Variants in NMD3 observed in about 807,000 individuals in gnomAD.
The protein encoded by NMD3 is 60S ribosomal export protein NMD3.
NMD3 carries 47 observed loss-of-function variants against 73.1 expected under a neutral mutation model. The ratio of observed to expected loss-of-function variants is 0.64; its 90% CI spans 0.51 to 0.82. The LOEUF is 0.82. NMD3 is among the 40% of genes least tolerant of loss of function. The probability of loss-of-function intolerance (pLI) is 0.00; values close to 1 mark genes in which losing one functional copy is unlikely to be tolerated. For synonymous variants in NMD3, 210 were observed against 194.5 expected (o/e 1.08, Z -0.66); for missense variants, 554 against 612.5 (o/e 0.90, Z 1.01).
downstream of NMD3, chr3:161,252,907 T>G (rs1428550912): frequency 3.3e-6 from 2 of 604,764 alleles, no homozygotes; most frequent in Non-Finnish European, 5.9e-6. Context: ...AAGACCAGCC[T>G]GGCCAACATA....
At chr3:161,233,037 G>A (rs982767603) in intron 4 of NMD3, among the ~76,000 whole-genome samples, 4 of 151,154 alleles carry the variant, frequency 2.6e-5, no homozygotes, top group African/African-American at 9.7e-5. Flanking sequence ...TGTTCATGAG[G>A]TTACTAATAA....
At position 161,246,478 on chromosome 3, in the gene NMD3, A is replaced by T. The variant is rs374971027; in HGVS notation, c.1130+30A>T. On this transcript the variant is annotated intron_variant, in intron 12 of 15. Transcript: ENST00000351193. Reference sequence around the variant, plus strand: ...GTATTATTTCATATTTTAAACTGCCAATTAGGATTGCAAATTTTCTTTGGG... The same window carrying T: ...GTATTATTTCATATTTTAAACTGCCTATTAGGATTGCAAATTTTCTTTGGG... The T allele has an allele frequency of 8.9e-6, 9 of 1,010,518 alleles. No homozygotes were observed. In the African/African-American group the frequency reaches 1.4e-4, roughly 16 times the overall value. 62.6% of individuals were successfully genotyped at this position (1,010,518 alleles called of 1,614,324 possible).
At chr3:161,229,093 G>C (rs1464083680) in intron 4 of NMD3, among the ~76,000 whole-genome samples, 1 of 152,140 alleles carries the variant, frequency 6.6e-6, no homozygotes, top group East Asian at 1.9e-4. Context: ...TGAATAGAAC[G>C]GAGTGGTGAG....
At chr3:161,223,877 T>G (rs1457643608) in intron 2 of NMD3, among the ~76,000 whole-genome samples, 1 of 152,242 alleles carries the variant, frequency 6.6e-6, no homozygotes, top group African/African-American at 2.4e-5. Context: ...TAACAGTGCT[T>G]CTCAAATTTT....
Position 161,224,942 on chromosome 3 carries a change from G to A in NMD3, c.57G>A (p.Glu19=), listed in dbSNP as rs756010062. 6.3e-5 allele frequency: 101 copies of A among 1,610,550 alleles called. No homozygotes were observed. The highest frequency in any genetic ancestry group is 8.0e-5 in the Non-Finnish European group (94 of 1,178,898). ...DRSPGHILCC[E]CGVPISPNPA... ...TTATTTATTAAAGCTTGTGCTGTGA[G>A]TGTGGTGTTCCGATAAGTCCAAATC... Residue 19 remains glutamate, a synonymous_variant, in exon 3 of 16, where the codon GAG becomes GAA. Transcript: ENST00000351193.
intron 4 of NMD3, among the ~76,000 whole-genome samples, chr3:161,231,790 G>A (rs745404179): frequency 4.6e-5 from 7 of 152,126 alleles, no homozygotes; most frequent in Non-Finnish European, 4.4e-5. Flanking sequence ...GGAATGTTCA[G>A]CAAAGTTGAG....
chr3:161,226,118 G>T (rs1736304004), intron 3 of NMD3, among the ~76,000 whole-genome samples: 1 of 152,032 alleles, frequency 6.6e-6, no homozygotes, highest in Non-Finnish European at 1.5e-5. Context: ...TCAGAATGAA[G>T]GGTTTTATTA....
At chr3:161,249,346 G>A in intron 13 of NMD3, 108 bp from the exon 14 acceptor site, 1 of 653,894 alleles carries the variant, frequency 1.5e-6, no homozygotes. Context: ...CCTTTCTCCT[G>A]AGGTGTAACC....
intron 11 of NMD3, among the ~76,000 whole-genome samples, chr3:161,244,175 G>GCACA (rs1344452023): frequency 1.3e-5 from 2 of 151,922 alleles, no homozygotes; most frequent in Admixed American, 1.3e-4. Context: ...GTGTTGTTTG[G>GCACA]GCTGGAGTGC....
intron 12 of NMD3, 100 bp downstream of exon 12, chr3:161,246,548 A>G (rs1203994205): frequency 8.3e-6 from 4 of 483,510 alleles, no homozygotes; most frequent in East Asian, 6.0e-5. Flanking sequence ...TTATTCTAAA[A>G]AGATCGAAGG....
rs778493489 is a variant in NMD3 at position 161,233,423 on chromosome 3, G to A, written c.301G>A (p.Val101Ile). ...GGTACGGCTTGTAGATGCAGGCTTTGTTTGGACTGAGCCTCATTCTAAGAG... is the reference window on the plus strand; with the variant it reads ...GGTACGGCTTGTAGATGCAGGCTTTATTTGGACTGAGCCTCATTCTAAGAG... ...SKVRLVDAGF[V>I]WTEPHSKRLK... Residue 101 changes from valine to isoleucine, a missense_variant, in exon 5 of 16, where the codon GTT becomes ATT. Transcript: ENST00000351193. 1 of 1,609,522 alleles carries A rather than the reference G, an allele frequency of 6.2e-7. No homozygotes were observed. The highest frequency in any genetic ancestry group is 2.2e-5 in the East Asian group (1 of 44,726).
chr3:161,249,358 G>T (rs887840531), intron 13 of NMD3, 96 bp from the exon 14 acceptor site: 3 of 719,844 alleles, frequency 4.2e-6, no homozygotes, highest in Admixed American at 5.6e-5. Flanking sequence ...GGTGTAACCA[G>T]TGTCATTAGT....
Position 161,241,153 on chromosome 3 carries a change from C to CA in NMD3, c.862dup (p.Thr288AsnfsTer8), listed in dbSNP as rs1322782560. Reference sequence around the variant, plus strand: ...GTGCCATTCACCTCATTGATCCAAACACCCTACAAGGTAAATTCTGGAAAT... The same window carrying CA: ...GTGCCATTCACCTCATTGATCCAAACAACCCTACAAGGTAAATTCTGGAAAT... On this transcript the variant is annotated frameshift_variant, in exon 10 of 16. Coordinates refer to ENST00000351193, the MANE Select transcript of NMD3 (RefSeq NM_015938.5). LOFTEE classifies it high-confidence loss of function. The CA allele has an allele frequency of 1.3e-6, 2 of 1,588,266 alleles. No individual in the cohort carries two copies. The highest frequency in any genetic ancestry group is 1.7e-5 in the Admixed American group (1 of 59,580).
chr3:161,232,307 A>G (rs553430616), intron 4 of NMD3, among the ~76,000 whole-genome samples: 2 of 152,250 alleles, frequency 1.3e-5, no homozygotes, highest in African/African-American at 4.8e-5. Context: ...CATCTACACT[A>G]AAAGTGGCCA....
Position 161,250,932 on chromosome 3 carries a change from C to A in NMD3, c.*22C>A. 1 of 1,599,342 alleles carries A rather than the reference C, an allele frequency of 6.3e-7. No individual in the cohort carries two copies. The highest frequency in any genetic ancestry group is 1.1e-5 in the South Asian group (1 of 89,508). ...ATAATGAGATGTTGTAGACTGTTTC[C>A]ATACATGGGCTTAAGAAGTTGGACA... On this transcript the variant is annotated 3_prime_UTR_variant, in exon 16 of 16. Transcript: ENST00000351193.
At chr3:161,249,707 A>G (rs959115024) in intron 14 of NMD3, 147 bp downstream of exon 14, 8 of 667,454 alleles carry the variant, frequency 1.2e-5, no homozygotes, top group Non-Finnish European at 2.2e-5. Context: ...TAATGGAATC[A>G]GTATAAGATG....
At chr3:161,226,901 A>G (rs1404142108) in intron 3 of NMD3, among the ~76,000 whole-genome samples, 1 of 152,212 alleles carries the variant, frequency 6.6e-6, no homozygotes, top group Admixed American at 6.5e-5. Flanking sequence ...AGTACATAAT[A>G]AACCATTTTA....
rs370295606 is a variant in NMD3, at chr3:161,246,565, AG to A, written c.1130+119del. ...ATTCTAAAAAGATCGAAGGGTTCTT[AG>A]GAGCCTTATAACTCATTTTATTGTT... On this transcript the variant is annotated intron_variant, in intron 12 of 15. Transcript: ENST00000351193. 5.1e-4 allele frequency: 226 copies of A among 447,100 alleles called. 2 individuals carry two copies. The South Asian group carries it at 0.013, about 25-fold the overall frequency. 27.7% of individuals were successfully genotyped at this position (447,100 alleles called of 1,614,324 possible).
chr3:161,227,941 A>ATAAATT lies in NMD3; in HGVS notation c.276+599_276+600insAAATTT, dbSNP rs1186827220. Among the ~76,000 whole-genome samples the ATAAATT allele has an allele frequency of 6.6e-5, 10 of 152,284 alleles. No homozygotes were observed. The East Asian group carries it at 1.7e-3, about 26-fold the overall frequency. On this transcript the variant is annotated intron_variant, in intron 4 of 15. Coordinates refer to ENST00000351193, the MANE Select transcript of NMD3 (RefSeq NM_015938.5). ...TTAACGGAAATTTTTATGTAAAACCATCACTAAACATAATTGGGATTATAA... is the reference window on the plus strand; with the variant it reads ...TTAACGGAAATTTTTATGTAAAACCATAAATTTCACTAAACATAATTGGGATTATAA...
Sources: gnomAD v4.1 joint callset for allele counts (sites outside exome capture counted in the v4.1 genomes callset) on GRCh38, gnomAD v4.1.1 for gene constraint, MANE v1.5 for transcripts, NCBI Gene and HGNC (gene_info 2026-07-23, HGNC 2026-07-21) for gene names.